UQCC1: variants seen among roughly 807,000 people sequenced by gnomAD.
UQCC1 encodes the protein ubiquinol-cytochrome c reductase complex assembly factor 1.
A neutral mutation model predicts 48.0 loss-of-function variants in UQCC1; 38 were observed. That is an observed-to-expected ratio of 0.79 (90% confidence interval 0.61 to 1.04). The LOEUF (loss-of-function observed/expected upper bound fraction) is 1.04. Ranked by LOEUF, UQCC1 falls within the 50% of genes least tolerant of loss-of-function variation. The probability of loss-of-function intolerance (pLI) is 0.00; values close to 1 mark genes in which losing one functional copy is unlikely to be tolerated. For synonymous variants in UQCC1, 111 were observed against 129.2 expected, an observed-to-expected ratio of 0.86 and a Z score of 0.95; for missense variants, 368 against 381.8, an observed-to-expected ratio of 0.96 and a Z score of 0.30.
intron 2 of UQCC1, among the ~76,000 whole-genome samples, chr20:35,391,170 G>A (rs2062009983): frequency 2.0e-5 from 3 of 150,914 alleles, no homozygotes; most frequent in Admixed American, 1.3e-4. Context: ...CTCTAGCATG[G>A]GTGACAGAGC....
intron 9 of UQCC1, chr20:35,306,380 G>A (rs1368903189): frequency 7.9e-6 from 3 of 377,820 alleles, no homozygotes; most frequent in Admixed American, 3.7e-5. Context: ...AGCACTGGGC[G>A]CACAGTAGGC....
chr20:35,352,800 G>A lies in UQCC1; in HGVS notation c.465-5528C>T, dbSNP rs550464683. On this transcript the variant is annotated intron_variant, in intron 6 of 9. Coordinates refer to ENST00000374385, the MANE Select transcript of UQCC1 (RefSeq NM_018244.5). ...TGGACTCAAGCTATCCTCCTGCCTC[G>A]GCATCCTAAGTAGCTAGGACTACGG... is the stretch of plus-strand genomic sequence containing the variant. Among the ~76,000 whole-genome samples the A allele has an allele frequency of 1.9e-3, 294 of 152,010 alleles. 7 individuals carry two copies. In the South Asian group the frequency reaches 0.026, roughly 13 times the overall value.
chr20:35,381,942 C>G lies in UQCC1; in HGVS notation c.309G>C (p.Thr103=). The G allele has an allele frequency of 1.2e-6, 2 of 1,609,894 alleles. No individual in the cohort carries two copies. The highest frequency in any genetic ancestry group is 1.7e-4 in the Middle Eastern group (1 of 6,052). Residue 103 remains threonine (T), a synonymous_variant, in exon 4 of 10, where the codon ACG becomes ACC. Transcript: ENST00000374385. ...CCCATTTACTGTATTTCAAAGGTCC[C>G]GTGAATCCCATGGCTTCTATTATCT... ...FTKIIEAMGF[T]GPLKYSKWKI... is the part of the protein sequence containing the mutation.
At chr20:35,374,889 A>G (rs2061778345) in intron 4 of UQCC1, among the ~76,000 whole-genome samples, 2 of 152,138 alleles carry the variant, frequency 1.3e-5, no homozygotes, top group African/African-American at 2.4e-5. Flanking sequence ...TGGTGGTTTT[A>G]ATTTTTTCAC....
At chr20:35,306,438 G>A in intron 9 of UQCC1, 1 of 515,340 alleles carries the variant, frequency 1.9e-6, no homozygotes, top group Non-Finnish European at 3.5e-6. Flanking sequence ...GAGGGCAGGA[G>A]ACTACTCGAT....
At chr20:35,374,281 C>T (rs372541200) in intron 4 of UQCC1, 25 bp from the exon 5 acceptor site, 9 of 1,576,536 alleles carry the variant, frequency 5.7e-6, no homozygotes, top group Non-Finnish European at 7.8e-6. Context: ...TAAAACCAAA[C>T]TCAAGACATG....
Position 35,347,296 on chromosome 20 carries a change from A to T in UQCC1, c.465-24T>A, listed in dbSNP as rs377293471. The stretch of plus-strand genomic sequence containing the variant: ...TCCTGGGTGGGAAGAAGACAAAAAA[A>T]GTCTTGGCTGTTTGCATTTTTCACA... On this transcript the variant is annotated intron_variant, in intron 6 of 9. Coordinates refer to ENST00000374385, the MANE Select transcript of UQCC1 (RefSeq NM_018244.5). 37 of 1,611,998 alleles carry T rather than the reference A, an allele frequency of 2.3e-5. No homozygotes were observed. In the African/African-American group the frequency reaches 2.4e-4, roughly 10 times the overall value.
chr20:35,387,987 AT>A (rs34545001), intron 2 of UQCC1, among the ~76,000 whole-genome samples: 256 of 139,642 alleles, frequency 1.8e-3, no homozygotes, highest in Middle Eastern at 3.8e-3. Context: ...ATATTTTCCT[AT>A]TTTTTTTTTT....
At chr20:35,348,013 A>T (rs2061449733) in intron 6 of UQCC1, among the ~76,000 whole-genome samples, 1 of 152,248 alleles carries the variant, frequency 6.6e-6, no homozygotes. Context: ...AGAAAGTATT[A>T]TGATTACATT....
At chr20:35,344,896 C>A (rs753570548) in intron 7 of UQCC1, 5 of 152,258 alleles carry the variant, frequency 3.3e-5, no homozygotes, top group Non-Finnish European at 7.3e-5. Context: ...ATCTCCCAAC[C>A]TCCAAGGAGG....
chr20:35,386,388 C>A (rs1282519593), intron 2 of UQCC1: 1 of 440,396 alleles, frequency 2.3e-6, no homozygotes, highest in Non-Finnish European at 4.5e-6. Flanking sequence ...TTTTCTTTAA[C>A]CCTAACGAAG....
At position 35,357,398 on chromosome 20, in the gene UQCC1, T is replaced by C. The variant is rs1255645122; in HGVS notation, c.464+9159A>G. On this transcript the variant is annotated intron_variant, in intron 6 of 9. Transcript: ENST00000374385. ...AGCTGGGCGTGGTGGCACATGCCTG[T>C]AATCCCAGCTGCTTGGGAGGCCGAG... Among the ~76,000 whole-genome samples, 5 of 152,270 alleles carry C rather than the reference T, an allele frequency of 3.3e-5. No homozygotes were observed. The East Asian group carries it at 9.6e-4, about 29-fold the overall frequency.
intron 1 of UQCC1, among the ~76,000 whole-genome samples, chr20:35,396,284 C>G (rs1369521414): frequency 1.1e-5 from 1 of 94,376 alleles, no homozygotes; most frequent in African/African-American, 3.9e-5. Flanking sequence ...TGTGCCTGGC[C>G]TTTTTTTTTT....
chr20:35,334,262 T>C (rs2061289893), intron 7 of UQCC1, among the ~76,000 whole-genome samples: 1 of 152,140 alleles, frequency 6.6e-6, no homozygotes, highest in Non-Finnish European at 1.5e-5. Context: ...GTGTGACCAG[T>C]ACTTAAGACA....
At chr20:35,408,546 G>A (rs2062287128) in intron 1 of UQCC1, among the ~76,000 whole-genome samples, 1 of 152,120 alleles carries the variant, frequency 6.6e-6, no homozygotes, top group African/African-American at 2.4e-5. Context: ...GAAAACAGTA[G>A]GACAATTCCT....
intron 6 of UQCC1, among the ~76,000 whole-genome samples, chr20:35,362,777 G>A (rs1426050325): frequency 1.3e-5 from 2 of 152,136 alleles, no homozygotes; most frequent in African/African-American, 2.4e-5. Context: ...CCAATGGAAT[G>A]GGGATAGGGA....
chr20:35,319,650 C>CA (rs11480802), intron 7 of UQCC1, among the ~76,000 whole-genome samples: 7,765 of 150,540 alleles, frequency 0.052, 654 homozygotes, highest in African/African-American at 0.18. Flanking sequence ...AAAGGGAATG[C>CA]AAAAAAAAGG....
At position 35,382,606 on chromosome 20, in the gene UQCC1, G is replaced by A. The variant is rs533517231; in HGVS notation, c.226-581C>T. ...CGGCTCACTGCAAGCTCCGCCTCCC[G>A]GGTTCCCGCCATTCTCCTGCCTCAG... On this transcript the variant is annotated intron_variant, in intron 3 of 9. Coordinates refer to ENST00000374385, the MANE Select transcript of UQCC1 (RefSeq NM_018244.5). Among the ~76,000 whole-genome samples, 54 of 142,488 alleles carry A rather than the reference G, an allele frequency of 3.8e-4. No individual in the cohort carries two copies. In the East Asian group the frequency reaches 0.011, roughly 29 times the overall value. 93.5% of individuals were successfully genotyped at this position (142,488 alleles called of 152,430 possible).
rs2061767855 is a variant in UQCC1, at chr20:35,374,166, T to C, written c.406+18A>G. The C allele has an allele frequency of 1.3e-6, 2 of 1,593,782 alleles. No homozygotes were observed. The highest frequency in any genetic ancestry group is 1.7e-6 in the Non-Finnish European group (2 of 1,163,160). ...GTAGATTTGTTCTCCTTTTCAGTAC[T>C]ATCAAACAATAACTTACTTAGAAAG... On this transcript the variant is annotated intron_variant, in intron 5 of 9. Coordinates refer to ENST00000374385, the MANE Select transcript of UQCC1 (RefSeq NM_018244.5).
Sources: gnomAD v4.1 joint callset for allele counts (sites outside exome capture counted in the v4.1 genomes callset) on GRCh38, gnomAD v4.1.1 for gene constraint, MANE v1.5 for transcripts, NCBI Gene and HGNC (gene_info 2026-07-23, HGNC 2026-07-21) for gene names.